The following CPLANE1 variants were observed in gnomAD, a reference collection of about 807,000 sequenced individuals.
CPLANE1 encodes ciliogenesis and planar polarity effector complex subunit 1, also known as ciliogenesis and planar polarity effector 1.
In CPLANE1, 263 loss-of-function variants were observed where a neutral mutation model predicts 362.5. That is an observed-to-expected ratio of 0.73 (90% CI 0.66 to 0.80). The LOEUF (loss-of-function observed/expected upper bound fraction) is 0.80, where lower values mean the gene tolerates loss of function less well. CPLANE1 is among the 30% of genes least tolerant of loss of function. The probability of loss-of-function intolerance (pLI) is 0.00; values close to 1 mark genes in which losing one functional copy is unlikely to be tolerated. For missense variants in CPLANE1, 3,461 were observed against 3,793.4 expected (o/e 0.91, Z 2.30); for synonymous variants, 1,212 against 1,302.6 (o/e 0.93, Z 1.50).
chr5:37,196,785 C>T (rs1016917959), intron 20 of CPLANE1, among the ~76,000 whole-genome samples: 2 of 152,076 alleles, frequency 1.3e-5, no homozygotes, highest in East Asian at 1.9e-4. Flanking sequence ...ATTAGTTGGG[C>T]GAGGTGGCAG....
intron 18 of CPLANE1, among the ~76,000 whole-genome samples, chr5:37,204,496 T>C (rs914897469): frequency 5.3e-5 from 8 of 152,174 alleles, no homozygotes; most frequent in Admixed American, 1.3e-4. Flanking sequence ...TTTAATACCA[T>C]TTTGAACTTT....
intron 12 of CPLANE1, 133 bp from the exon 13 acceptor site, chr5:37,224,873 A>G: frequency 1.8e-6 from 1 of 543,320 alleles, no homozygotes; most frequent in Middle Eastern, 4.9e-4. Flanking sequence ...ATCACATTTA[A>G]ATATAGTGCA....
intron 51 of CPLANE1, among the ~76,000 whole-genome samples, chr5:37,112,411 T>C (rs1257187162): frequency 6.6e-6 from 1 of 152,112 alleles, no homozygotes; most frequent in Admixed American, 6.5e-5. Flanking sequence ...ATGAGAAAAG[T>C]TCTGTGAAAC....
chr5:37,195,004 A>G (rs562251626), intron 21 of CPLANE1, among the ~76,000 whole-genome samples: 1 of 151,968 alleles, frequency 6.6e-6, no homozygotes, highest in Admixed American at 6.6e-5. Flanking sequence ...ATACAAAAAA[A>G]ATTAGCCGGG....
intron 45 of CPLANE1, 73 bp from the exon 46 acceptor site, chr5:37,138,921 A>C: frequency 1.6e-6 from 2 of 1,281,674 alleles, no homozygotes; most frequent in Non-Finnish European, 2.2e-6. Context: ...AAAAATAAAC[A>C]TGTAACAAAT....
chr5:37,096,239 A>G, the CPLANE1 span, among the ~76,000 whole-genome samples: 4 of 152,226 alleles, frequency 2.6e-5, no homozygotes, highest in Non-Finnish European at 5.9e-5. Flanking sequence ...TAGAGAAACC[A>G]GAAGTAAACC....
chr5:37,157,390 C>A lies in CPLANE1; in HGVS notation c.8042G>T (p.Ser2681Ile). ...CACTTCTGTAATGCCTGCTCTCAAGCTTTTTCCATCCAGACAAGCTGGAGT... is the reference window on the plus strand; with the variant it reads ...CACTTCTGTAATGCCTGCTCTCAAGATTTTTCCATCCAGACAAGCTGGAGT... Reference protein sequence around the residue: ...EVTPACLDGKSLRAGITEVKE... With the variant: ...EVTPACLDGKILRAGITEVKE... The change falls in exon 41 of 53, where the codon AGC becomes ATC. Residue 2681 changes from serine to isoleucine, a missense_variant. By Grantham distance (142) the Ser-to-Ile change is moderately radical. Transcript: ENST00000651892. 1 of 1,430,002 alleles carries A rather than the reference C, an allele frequency of 7.0e-7. No homozygotes were observed. Among genetic ancestry groups the A allele is most frequent in the Non-Finnish European group, 9.3e-7 (1 of 1,072,860 alleles). The allele number at this position is 1,430,002 out of a possible 1,614,324, so 88.6% of individuals were successfully genotyped here.
At chr5:37,145,720 C>T (rs1249945437) in intron 43 of CPLANE1, among the ~76,000 whole-genome samples, 1 of 151,610 alleles carries the variant, frequency 6.6e-6, no homozygotes, top group Non-Finnish European at 1.5e-5. Flanking sequence ...AAACTCCATC[C>T]AATAAAAGGC....
intron 1 of CPLANE1, among the ~76,000 whole-genome samples, 200 bp downstream of exon 1, chr5:37,249,045 G>C (rs529576174): frequency 6.6e-6 from 1 of 152,350 alleles, no homozygotes; most frequent in East Asian, 1.9e-4. Flanking sequence ...TGGGAGGCTG[G>C]GGTAGGCCCA....
At chr5:37,142,900 G>A (rs770171695) in intron 43 of CPLANE1, among the ~76,000 whole-genome samples, 4 of 152,134 alleles carry the variant, frequency 2.6e-5, no homozygotes, top group African/African-American at 9.7e-5. Context: ...ACTGCAATGA[G>A]GGAAAAACTG....
chr5:37,146,582 A>T (rs1206962707), intron 43 of CPLANE1, among the ~76,000 whole-genome samples: 1 of 152,210 alleles, frequency 6.6e-6, no homozygotes, highest in Admixed American at 6.5e-5. Flanking sequence ...TATTGTGCTT[A>T]TGTTTTAAAA....
rs1394995426 is a variant in CPLANE1, at chr5:37,183,420, A to G, written c.4761T>C (p.His1587=). ...CATCAAAAAGTAAAGAATTAAGTTC[A>G]TGTTCTCTAAGCTTTCCAGAAAAAC... ...LTSFSGKLRE[H]ELNSLLFDVH... The change falls in exon 26 of 53, where the codon CAT becomes CAC. Residue 1587 remains histidine (H), a synonymous_variant. Transcript: ENST00000651892. 6.2e-7 allele frequency: 1 copy of G among 1,613,696 alleles called. No individual in the cohort carries two copies. Among genetic ancestry groups the G allele is most frequent in the Non-Finnish European group, 8.5e-7 (1 of 1,179,796 alleles).
intron 51 of CPLANE1, 133 bp downstream of exon 51, chr5:37,114,827 G>A: frequency 1.7e-6 from 1 of 580,388 alleles, no homozygotes; most frequent in Non-Finnish European, 3.0e-6. Flanking sequence ...TTGAACCCGG[G>A]AGTGGAGGTT....
intron 8 of CPLANE1, among the ~76,000 whole-genome samples, chr5:37,234,229 G>A (rs1410704934): frequency 1.3e-5 from 2 of 152,048 alleles, no homozygotes; most frequent in Non-Finnish European, 2.9e-5. Flanking sequence ...TCCGGTAATA[G>A]ATGCCAATCA....
At chr5:37,170,842 A>T (rs973272447) in intron 32 of CPLANE1, among the ~76,000 whole-genome samples, 9 of 152,220 alleles carry the variant, frequency 5.9e-5, no homozygotes, top group African/African-American at 2.2e-4. Context: ...AAGCTGAGGC[A>T]GGAGAATCGC....
chr5:37,205,352 T>G lies in CPLANE1; in HGVS notation c.3252A>C (p.Ala1084=), dbSNP rs912579732. 6.4e-7 allele frequency: 1 copy of G among 1,551,324 alleles called. No homozygotes were observed. Among genetic ancestry groups the G allele is most frequent in the Admixed American group, 2.0e-5 (1 of 50,954 alleles). ...CVLGQPASLE[A]KNEMGSKYKQ... ...TATATTTTGAGCCCATTTCATTTTT[T>G]GCTTCCAAAGAGGCTGGTTGACCTA... The change falls in exon 18 of 53, where the codon GCA becomes GCC. Residue 1084 remains alanine (A), a synonymous_variant. Coordinates refer to ENST00000651892, the MANE Select transcript of CPLANE1 (RefSeq NM_001384732.1).
intron 2 of CPLANE1, chr5:37,246,616 T>TA (rs1432246583): frequency 2.0e-5 from 3 of 152,344 alleles, no homozygotes; most frequent in Non-Finnish European, 2.9e-5. Flanking sequence ...TGTTTTGAGT[T>TA]AACTTTGTTT....
intron 6 of CPLANE1, among the ~76,000 whole-genome samples, chr5:37,242,210 C>A (rs945417466): frequency 3.3e-5 from 5 of 151,820 alleles, no homozygotes; most frequent in Non-Finnish European, 7.4e-5. Flanking sequence ...AAAAGTTAGC[C>A]AGGCCTGGTG....
chr5:37,217,101 C>T (rs1794245842), intron 15 of CPLANE1, among the ~76,000 whole-genome samples: 1 of 152,168 alleles, frequency 6.6e-6, no homozygotes, highest in South Asian at 2.1e-4. Flanking sequence ...TATTTCTTCA[C>T]ATTCGAGTTA....
Sources: gnomAD v4.1 joint callset for allele counts (sites outside exome capture counted in the v4.1 genomes callset) on GRCh38, gnomAD v4.1.1 for gene constraint, MANE v1.5 for transcripts, NCBI Gene and HGNC (gene_info 2026-07-23, HGNC 2026-07-21) for gene names.